The following DGKI variants were observed in gnomAD, a reference collection of about 807,000 sequenced individuals.
The protein encoded by DGKI is diacylglycerol kinase iota, also known as DAG kinase iota.
In DGKI, 55 loss-of-function variants were observed where a neutral mutation model predicts 147.5. The ratio of observed to expected loss-of-function variants is 0.37; its 90% CI spans 0.30 to 0.47. The LOEUF (loss-of-function observed/expected upper bound fraction) is 0.47, where lower values mean the gene tolerates loss of function less well. DGKI is among the 20% of genes least tolerant of loss of function. DGKI has a pLI of 1.00. For missense variants in DGKI, 1,007 were observed against 1,323.8 expected (o/e 0.76, Z 3.71); for synonymous variants, 469 against 477.1 (o/e 0.98, Z 0.22).
chr7:137,428,270 C>T (rs1812906320), intron 28 of DGKI, among the ~76,000 whole-genome samples: 1 of 152,122 alleles, frequency 6.6e-6, no homozygotes, highest in East Asian at 1.9e-4. Flanking sequence ...TAAGTGGAAT[C>T]CAGCATATAA....
At chr7:137,638,604 A>ATATGTGTG (rs1331385591) in intron 6 of DGKI, among the ~76,000 whole-genome samples, 294 of 5,610 alleles carry the variant, frequency 0.052, 27 homozygotes, top group South Asian at 0.13. Flanking sequence ...ACATATATGT[A>ATATGTGTG]TATATATACA....
chr7:137,719,430 A>G (rs1013157203), intron 1 of DGKI, among the ~76,000 whole-genome samples: 1 of 151,994 alleles, frequency 6.6e-6, no homozygotes, highest in Admixed American at 6.6e-5. Flanking sequence ...ACACAAACCT[A>G]TCATTTTCTA....
chr7:137,801,091 T>C (rs756711753), intron 1 of DGKI, among the ~76,000 whole-genome samples: 16 of 152,346 alleles, frequency 1.1e-4, no homozygotes, highest in Admixed American at 2.0e-4. Flanking sequence ...CAAAGTGTTT[T>C]GTTCTATACT....
intron 1 of DGKI, among the ~76,000 whole-genome samples, chr7:137,708,040 C>T (rs1563160282): frequency 1.3e-5 from 2 of 152,210 alleles, no homozygotes; most frequent in Non-Finnish European, 1.5e-5. Flanking sequence ...TGGCATCAGT[C>T]TTCCAAACTT....
At chr7:137,554,270 C>A (rs1818146337) in intron 19 of DGKI, among the ~76,000 whole-genome samples, 1 of 152,152 alleles carries the variant, frequency 6.6e-6, no homozygotes, top group African/African-American at 2.4e-5. Flanking sequence ...GAAATACATA[C>A]TTTTCATGTC....
At chr7:137,638,639 T>TACACACATATATGA (rs1821497660) in intron 6 of DGKI, among the ~76,000 whole-genome samples, 1 of 9,094 alleles carries the variant, frequency 1.1e-4, no homozygotes, top group African/African-American at 1.2e-3. Flanking sequence ...TGTGTGTATA[T>TACACACATATATGA]ATGTGTATGT....
intron 12 of DGKI, among the ~76,000 whole-genome samples, chr7:137,595,395 A>G (rs1360918885): frequency 6.6e-6 from 1 of 152,230 alleles, no homozygotes; most frequent in Non-Finnish European, 1.5e-5. Context: ...TTGAAATTCC[A>G]TATTCAATGG....
rs571033767 is a variant in DGKI at position 137,612,363 on chromosome 7, TACCTGGA to T, written c.994-2761_994-2755del. The stretch of plus-strand genomic sequence containing the variant: ...ACCAAGCACAGTCGTTGACTTACAG[TACCTGGA>T]CGCATCTATGTGAGCTCTGAGTAAG... On this transcript the variant is annotated intron_variant, in intron 8 of 32. Coordinates refer to ENST00000614521, the MANE Select transcript of DGKI (RefSeq NM_001321708.2). Among the ~76,000 whole-genome samples, 55 of 152,006 alleles carry T rather than the reference TACCTGGA, an allele frequency of 3.6e-4. 1 individual carries two copies. Among genetic ancestry groups the T allele is most frequent in the African/African-American group, 1.1e-3 (44 of 41,472 alleles).
rs913151110 is a variant in DGKI at position 137,385,836 on chromosome 7, C to T, written c.*5384G>A. 6.6e-6 allele frequency: 1 copy of T among 152,078 alleles called. No homozygotes were observed. The highest frequency in any genetic ancestry group is 6.6e-5 in the Admixed American group (1 of 15,246). The allele number at this position is 152,078 out of a possible 1,614,324, so 9.4% of individuals were successfully genotyped here. On this transcript the variant is annotated 3_prime_UTR_variant, in exon 33 of 33. Coordinates refer to ENST00000614521, the MANE Select transcript of DGKI (RefSeq NM_001321708.2). The stretch of plus-strand genomic sequence containing the variant: ...AATAAAGCCTTGGTTGAATTTCCAG[C>T]CCATGCTGGACACCCTGGGGTTCTC...
intron 1 of DGKI, among the ~76,000 whole-genome samples, chr7:137,805,455 T>A (rs1797337523): frequency 6.6e-6 from 1 of 152,228 alleles, no homozygotes; most frequent in South Asian, 2.1e-4. Flanking sequence ...AAACTACTAC[T>A]GGCTTGAGAG....
intron 12 of DGKI, among the ~76,000 whole-genome samples, chr7:137,593,058 A>G (rs1284770328): frequency 6.6e-6 from 1 of 152,178 alleles, no homozygotes; most frequent in South Asian, 2.1e-4. Flanking sequence ...GAGTCAGGGC[A>G]TGGGGATGTC....
Position 137,704,631 on chromosome 7 carries a change from G to T in DGKI, c.402-14629C>A, listed in dbSNP as rs558958918. ...GAAATGACAGAAAATTCCCAATCTT[G>T]AGGGGGAAGAAAAATATTAATCTAT... On this transcript the variant is annotated intron_variant, in intron 1 of 32. Transcript: ENST00000614521. Among the ~76,000 whole-genome samples the T allele has an allele frequency of 6.6e-5, 10 of 152,292 alleles. No homozygotes were observed. The South Asian group carries it at 1.9e-3, about 28-fold the overall frequency.
intron 1 of DGKI, among the ~76,000 whole-genome samples, chr7:137,720,303 G>T (rs1794508343): frequency 1.5e-5 from 2 of 137,776 alleles, no homozygotes; most frequent in Admixed American, 1.6e-4. Context: ...TTTCGCCCAG[G>T]CTGGACTGCA....
chr7:137,833,453 T>C (rs909879770), intron 1 of DGKI, among the ~76,000 whole-genome samples: 1 of 152,228 alleles, frequency 6.6e-6, no homozygotes, highest in Admixed American at 6.5e-5. Context: ...TTCACTATCA[T>C]GAGATCATCA....
chr7:137,419,615 G>A (rs781301669), intron 28 of DGKI, among the ~76,000 whole-genome samples: 14 of 152,096 alleles, frequency 9.2e-5, no homozygotes, highest in East Asian at 5.8e-4. Flanking sequence ...ATGGATGACC[G>A]CTGTGAATTA....
At position 137,425,103 on chromosome 7, in the gene DGKI, ACCCCTG is replaced by A. The variant is rs1261954266; in HGVS notation, c.2762-12902_2762-12897del. Among the ~76,000 whole-genome samples, 485 of 147,574 alleles carry A rather than the reference ACCCCTG, an allele frequency of 3.3e-3. 2 individuals carry two copies. The highest frequency in any genetic ancestry group is 0.012 in the African/African-American group (442 of 37,196). On this transcript the variant is annotated intron_variant, in intron 28 of 32. Coordinates refer to ENST00000614521, the MANE Select transcript of DGKI (RefSeq NM_001321708.2). ...GACTTCCTCCTCAAATGGGTCCCTG[ACCCCTG>A]ACCCCTGACCCCTGAGCAGCCTAGC...
chr7:137,611,023 A>G (rs956981285), intron 8 of DGKI, among the ~76,000 whole-genome samples: 2 of 152,184 alleles, frequency 1.3e-5, no homozygotes, highest in Non-Finnish European at 1.5e-5. Flanking sequence ...CTCATCACTC[A>G]CTGTTGACTC....
At chr7:137,633,918 T>C (rs966997748) in intron 6 of DGKI, among the ~76,000 whole-genome samples, 1 of 152,166 alleles carries the variant, frequency 6.6e-6, no homozygotes, top group African/African-American at 2.4e-5. Flanking sequence ...CATCATTTGG[T>C]CCACCATATC....
chr7:137,787,736 A>G (rs1178099617), intron 1 of DGKI, among the ~76,000 whole-genome samples: 1 of 152,224 alleles, frequency 6.6e-6, no homozygotes, highest in East Asian at 1.9e-4. Flanking sequence ...TGAGTGGATA[A>G]AGAAAATTTG....
Sources: allele counts gnomAD v4.1 joint callset (sites outside exome capture counted in the v4.1 genomes callset), GRCh38; gene constraint gnomAD v4.1.1; transcripts MANE v1.5; gene names NCBI Gene and HGNC (gene_info 2026-07-23, HGNC 2026-07-21).